Variants in DDHD1 observed in about 807,000 individuals in gnomAD.
DDHD1 encodes the protein phospholipase DDHD1.
Under a neutral mutation model 96.4 loss-of-function variants are expected in DDHD1, and 49 were observed. The observed-to-expected ratio is 0.51, with a 90% CI of 0.40 to 0.64. The LOEUF is 0.64. Among genes scored for constraint, DDHD1 ranks in the 30% least tolerant of loss-of-function variants. The pLI is 0.00. For synonymous variants in DDHD1, 442 were observed against 446.5 expected (o/e 0.99, Z 0.13); for missense variants, 1,106 against 1,161.2 (o/e 0.95, Z 0.69).
Position 53,152,701 on chromosome 14 carries a change from C to T in DDHD1, c.398G>A (p.Gly133Asp). 6.2e-7 allele frequency: 1 copy of T among 1,610,986 alleles called. No homozygotes were observed. Among genetic ancestry groups the T allele is most frequent in the East Asian group, 2.2e-5 (1 of 44,814 alleles). The change falls in exon 1 of 13, where the codon GGC becomes GAC. Residue 133 changes from glycine to aspartate, a missense_variant. Coordinates refer to ENST00000673822, the MANE Select transcript of DDHD1 (RefSeq NM_001160148.2). ...PPLVPTNSGG[G>D]GATGGSPGER... ...CCCGGGGGACCCTCCTGTCGCGCCG[C>T]CGCCCCCCGAGTTCGTCGGGACCAG...
rs12435568 is a variant in DDHD1, at chr14:53,041,275, C to T, written c.*5493G>A. 3.3e-5 allele frequency: 5 copies of T among 151,978 alleles called. No homozygotes were observed. Among genetic ancestry groups the T allele is most frequent in the Admixed American group, 3.3e-4 (5 of 15,254 alleles). 9.4% of individuals were successfully genotyped at this position (151,978 alleles called of 1,614,324 possible). On this transcript the variant is annotated 3_prime_UTR_variant, in exon 13 of 13. Coordinates refer to ENST00000673822, the MANE Select transcript of DDHD1 (RefSeq NM_001160148.2). ...ACCATGTTACATATAAATGAAAAAC[C>T]ATAAGGTAGCAGACAATACTAAGCA... is the stretch of plus-strand genomic sequence containing the variant.
intron 2 of DDHD1, among the ~76,000 whole-genome samples, chr14:53,100,846 T>C (rs888203262): frequency 1.3e-5 from 2 of 152,232 alleles, no homozygotes; most frequent in Admixed American, 1.3e-4. Context: ...TTCCACTGCA[T>C]TGTGATTATC....
chr14:53,067,501 A>C lies in DDHD1; in HGVS notation c.1504-4296T>G, dbSNP rs149840804. Among the ~76,000 whole-genome samples, 1,078 of 150,146 alleles carry C rather than the reference A, an allele frequency of 7.2e-3. 5 individuals are homozygous for C. Among genetic ancestry groups the C allele is most frequent in the Non-Finnish European group, 9.4e-3 (639 of 67,742 alleles). ...GAGATGGAATCTCGCTCTGTCACCC[A>C]GGCTGCAGTGCAGTGGCGTGATCTC... On this transcript the variant is annotated intron_variant, in intron 6 of 12. Coordinates refer to ENST00000673822, the MANE Select transcript of DDHD1 (RefSeq NM_001160148.2).
chr14:53,065,059 A>C (rs1282013260), intron 6 of DDHD1, among the ~76,000 whole-genome samples: 2 of 152,162 alleles, frequency 1.3e-5, no homozygotes, highest in Admixed American at 6.5e-5. Flanking sequence ...TTTATTATCT[A>C]TTAGGTCTAC....
intron 6 of DDHD1, among the ~76,000 whole-genome samples, chr14:53,069,357 GC>G (rs1884319417): frequency 6.6e-6 from 1 of 152,142 alleles, no homozygotes; most frequent in African/African-American, 2.4e-5. Context: ...CTGTTTTATG[GC>G]ACTTTGTAGA....
At chr14:53,060,518 C>T (rs970570443) in intron 8 of DDHD1, among the ~76,000 whole-genome samples, 10 of 152,306 alleles carry the variant, frequency 6.6e-5, no homozygotes, top group African/African-American at 2.2e-4. Flanking sequence ...GTGCTTTTGT[C>T]ATATATTGTT....
chr14:53,096,123 A>C (rs1268816332), intron 2 of DDHD1: 1 of 983,560 alleles, frequency 1.0e-6, no homozygotes, highest in Non-Finnish European at 1.2e-6. Flanking sequence ...GTACCTTGGG[A>C]ATGCTTTCGT....
At chr14:53,102,505 T>C (rs889866645) in intron 2 of DDHD1, among the ~76,000 whole-genome samples, 3 of 152,092 alleles carry the variant, frequency 2.0e-5, no homozygotes, top group Admixed American at 6.5e-5. Context: ...TTATATAAAT[T>C]TGTTAGCTTT....
intron 1 of DDHD1, among the ~76,000 whole-genome samples, chr14:53,107,410 G>C (rs1887768772): frequency 6.6e-6 from 1 of 152,090 alleles, no homozygotes; most frequent in Non-Finnish European, 1.5e-5. Context: ...GCATATCCTA[G>C]ACAAAGGAAT....
intron 12 of DDHD1, among the ~76,000 whole-genome samples, chr14:53,049,905 C>T (rs1882386892): frequency 6.6e-6 from 1 of 152,042 alleles, no homozygotes; most frequent in Non-Finnish European, 1.5e-5. Flanking sequence ...TTCCCTCTTC[C>T]CCAAAGTAGA....
chr14:53,091,412 C>T (rs903842601), intron 4 of DDHD1, among the ~76,000 whole-genome samples: 7 of 152,238 alleles, frequency 4.6e-5, no homozygotes, highest in Admixed American at 2.0e-4. Context: ...TAATTCTTAG[C>T]CTTTTTAGAG....
At chr14:53,133,634 T>C (rs1890030444) in intron 1 of DDHD1, among the ~76,000 whole-genome samples, 1 of 152,174 alleles carries the variant, frequency 6.6e-6, no homozygotes, top group Non-Finnish European at 1.5e-5. Flanking sequence ...GGGCCTGTCC[T>C]CGGGATGCTA....
At chr14:53,133,348 CCA>C (rs1595243759) in intron 1 of DDHD1, among the ~76,000 whole-genome samples, 2 of 152,194 alleles carry the variant, frequency 1.3e-5, no homozygotes, top group East Asian at 3.8e-4. Context: ...GAGAAGGCTA[CCA>C]CAGTTATTTC....
At chr14:53,141,416 C>T (rs1890633507) in intron 1 of DDHD1, among the ~76,000 whole-genome samples, 1 of 152,168 alleles carries the variant, frequency 6.6e-6, no homozygotes, top group South Asian at 2.1e-4. Context: ...GGTCTTCGAA[C>T]CCCTTGTAAA....
intron 4 of DDHD1, among the ~76,000 whole-genome samples, chr14:53,084,412 G>C (rs1231088435): frequency 6.6e-6 from 1 of 152,094 alleles, no homozygotes; most frequent in Non-Finnish European, 1.5e-5. Flanking sequence ...ATTTATCAAT[G>C]GCTCCAGAGA....
rs372813860 is a variant in DDHD1 at position 53,062,843 on chromosome 14, T to C, written c.1766+100A>G. On this transcript the variant is annotated intron_variant, in intron 7 of 12. Coordinates refer to ENST00000673822, the MANE Select transcript of DDHD1 (RefSeq NM_001160148.2). Reference sequence around the variant, plus strand: ...ATAGTAATCTTTGTATCTTGAACAATGCATTATTTCTTTATCATGAAATTC... The same window carrying C: ...ATAGTAATCTTTGTATCTTGAACAACGCATTATTTCTTTATCATGAAATTC... 15 of 1,239,152 alleles carry C rather than the reference T, an allele frequency of 1.2e-5. No homozygotes were observed. The East Asian group carries it at 2.7e-4, about 22-fold the overall frequency. The allele number at this position is 1,239,152 out of a possible 1,614,324, so 76.8% of individuals were successfully genotyped here.
chr14:53,090,587 C>T (rs947328291), intron 4 of DDHD1, among the ~76,000 whole-genome samples: 3 of 152,046 alleles, frequency 2.0e-5, no homozygotes, highest in Admixed American at 1.3e-4. Context: ...ACATGGATGT[C>T]GCTGGAAACC....
At chr14:53,127,914 C>T (rs867239594) in intron 1 of DDHD1, among the ~76,000 whole-genome samples, 36 of 152,150 alleles carry the variant, frequency 2.4e-4, no homozygotes, top group Non-Finnish European at 7.4e-5. Context: ...ATGTCCCCAC[C>T]CAAAATCTCA....
chr14:53,073,611 CAT>C, intron 5 of DDHD1, 128 bp downstream of exon 5: 2 of 652,512 alleles, frequency 3.1e-6, no homozygotes, highest in Admixed American at 6.2e-5. Flanking sequence ...AAAGGGTGAG[CAT>C]ATCTCAAGAC....
Sources: gnomAD v4.1 joint callset for allele counts (sites outside exome capture counted in the v4.1 genomes callset) on GRCh38, gnomAD v4.1.1 for gene constraint, MANE v1.5 for transcripts, NCBI Gene and HGNC (gene_info 2026-07-23, HGNC 2026-07-21) for gene names.